SKA2: variants seen among roughly 807,000 people sequenced by gnomAD.
The protein encoded by SKA2 is spindle and kinetochore associated complex subunit 2.
In SKA2, 13 loss-of-function variants were observed where a neutral mutation model predicts 16.9. That is an observed-to-expected ratio of 0.77 (90% CI 0.50 to 1.22). SKA2 has a LOEUF of 1.22. Among genes scored for constraint, SKA2 ranks in the 50% most tolerant of loss-of-function variants. The pLI is 0.00. For missense variants in SKA2, 107 were observed against 139.7 expected, an observed-to-expected ratio of 0.77 and a Z score of 1.18; for synonymous variants, 47 against 48.5, an observed-to-expected ratio of 0.97 and a Z score of 0.13.
At position 59,123,906 on chromosome 17, in the gene SKA2, G is replaced by C. The variant is rs143678360; in HGVS notation, c.121-4411C>G. Among the ~76,000 whole-genome samples, 107 of 152,198 alleles carry C rather than the reference G, an allele frequency of 7.0e-4. 2 individuals are homozygous for C. In the East Asian group the frequency reaches 0.014, roughly 19 times the overall value. ...GGCTAAAATCACAGTGCTAATAAGA[G>C]GCAGAGCCAGGATGTGAAGTATAAC... On this transcript the variant is annotated intron_variant, in intron 2 of 3. Coordinates refer to ENST00000330137, the MANE Select transcript of SKA2 (RefSeq NM_182620.4).
intron 1 of SKA2, among the ~76,000 whole-genome samples, chr17:59,143,147 A>T (rs937440778): frequency 2.0e-5 from 3 of 152,096 alleles, no homozygotes; most frequent in African/African-American, 7.2e-5. Context: ...AGTATAGAAT[A>T]ATCAATATAT....
rs952029691 is a variant in SKA2 at position 59,110,466 on chromosome 17, C to A, written c.*1811G>T. On this transcript the variant is annotated 3_prime_UTR_variant, in exon 4 of 4. Coordinates refer to ENST00000330137, the MANE Select transcript of SKA2 (RefSeq NM_182620.4). Reference sequence around the variant, plus strand: ...CCTGAACACTGAAGAAAATTAATATCTGATACTAAGGTGTAACTTATTTCT... The same window carrying A: ...CCTGAACACTGAAGAAAATTAATATATGATACTAAGGTGTAACTTATTTCT... The A allele has an allele frequency of 6.6e-6, 1 of 151,912 alleles. No homozygotes were observed. Among genetic ancestry groups the A allele is most frequent in the Non-Finnish European group, 1.5e-5 (1 of 67,986 alleles). 9.4% of individuals were successfully genotyped at this position (151,912 alleles called of 1,614,324 possible). A position where few individuals can be genotyped will look rare whatever the true frequency, so the allele number is the denominator to read the frequency against.
At chr17:59,122,620 T>C (rs1261663320) in intron 2 of SKA2, among the ~76,000 whole-genome samples, 1 of 150,292 alleles carries the variant, frequency 6.7e-6, no homozygotes. Flanking sequence ...CAAAAAATAA[T>C]AACTATTATT....
intron 1 of SKA2, among the ~76,000 whole-genome samples, chr17:59,144,762 TG>T (rs1217433713): frequency 3.3e-5 from 5 of 152,078 alleles, no homozygotes; most frequent in African/African-American, 1.2e-4. Context: ...TGCTAGACGC[TG>T]GGGGGAGGGG....
intron 1 of SKA2, among the ~76,000 whole-genome samples, chr17:59,146,431 G>A (rs1194247726): frequency 6.6e-6 from 1 of 151,966 alleles, no homozygotes; most frequent in African/African-American, 2.4e-5. Context: ...CCCAGGAGGC[G>A]GAGGTTGCAG....
At chr17:59,152,743 G>T (rs930003494) in intron 1 of SKA2, among the ~76,000 whole-genome samples, 4 of 151,634 alleles carry the variant, frequency 2.6e-5, no homozygotes, top group African/African-American at 9.7e-5. Flanking sequence ...TAAATCTGAA[G>T]ATGAGATGCA....
intron 1 of SKA2, among the ~76,000 whole-genome samples, chr17:59,152,308 C>T (rs937338233): frequency 3.3e-5 from 5 of 152,098 alleles, no homozygotes; most frequent in African/African-American, 1.2e-4. Flanking sequence ...TCCCTTTAAA[C>T]GGTCCAATTC....
At chr17:59,126,259 A>G (rs1038636610) in intron 2 of SKA2, among the ~76,000 whole-genome samples, 1 of 152,222 alleles carries the variant, frequency 6.6e-6, no homozygotes, top group African/African-American at 2.4e-5. Flanking sequence ...TAGTAATAGA[A>G]ACTTATAGTT....
chr17:59,141,363 T>C (rs970625044), intron 1 of SKA2, among the ~76,000 whole-genome samples: 1 of 151,836 alleles, frequency 6.6e-6, no homozygotes, highest in African/African-American at 2.4e-5. Context: ...CACCACTGCA[T>C]TGCAGCCTGG....
At position 59,140,576 on chromosome 17, in the gene SKA2, C is replaced by T. The variant is rs73319265; in HGVS notation, c.34-9209G>A. On this transcript the variant is annotated intron_variant, in intron 1 of 3. Coordinates refer to ENST00000330137, the MANE Select transcript of SKA2 (RefSeq NM_182620.4). ...CAATTGCTAGGATATATACATAAGCCCCTGCCTCTAAAAGGCTAGTTTTAT... is the reference window on the plus strand; with the variant it reads ...CAATTGCTAGGATATATACATAAGCTCCTGCCTCTAAAAGGCTAGTTTTAT... Among the ~76,000 whole-genome samples, 304 of 151,126 alleles carry T rather than the reference C, an allele frequency of 2.0e-3. 1 individual carries two copies. Among genetic ancestry groups the T allele is most frequent in the African/African-American group, 7.0e-3 (287 of 41,198 alleles).
chr17:59,114,931 T>G (rs2046286415), intron 3 of SKA2, among the ~76,000 whole-genome samples: 1 of 152,196 alleles, frequency 6.6e-6, no homozygotes, highest in African/African-American at 2.4e-5. Context: ...AATAAAACTT[T>G]CCATGATGCT....
intron 3 of SKA2, among the ~76,000 whole-genome samples, chr17:59,117,591 T>C (rs965194144): frequency 6.6e-6 from 1 of 151,474 alleles, no homozygotes; most frequent in African/African-American, 2.4e-5. Context: ...TTTCTTTTTT[T>C]TCTTTTTTTT....
intron 1 of SKA2, among the ~76,000 whole-genome samples, chr17:59,154,125 G>C (rs536752091): frequency 1.3e-5 from 2 of 149,702 alleles, no homozygotes; most frequent in African/African-American, 2.5e-5. Context: ...TCAGTGGCAG[G>C]CGCTTCCTCC....
At chr17:59,149,501 G>A (rs1599680858) in intron 1 of SKA2, among the ~76,000 whole-genome samples, 1 of 150,362 alleles carries the variant, frequency 6.7e-6, no homozygotes, top group African/African-American at 2.5e-5. Flanking sequence ...ATGAGACCCT[G>A]TCTCTAAAGA....
intron 1 of SKA2, among the ~76,000 whole-genome samples, chr17:59,144,309 G>T (rs1195318222): frequency 1.3e-5 from 2 of 151,756 alleles, no homozygotes; most frequent in East Asian, 3.9e-4. Context: ...TCCACTGTTG[G>T]TGGAAATGTA....
intron 1 of SKA2, among the ~76,000 whole-genome samples, chr17:59,142,060 C>A (rs1410691295): frequency 2.0e-5 from 3 of 152,114 alleles, no homozygotes; most frequent in African/African-American, 7.2e-5. Flanking sequence ...TACCCACATG[C>A]CATTGACCAA....
At chr17:59,145,173 T>C (rs2046522657) in intron 1 of SKA2, among the ~76,000 whole-genome samples, 1 of 152,218 alleles carries the variant, frequency 6.6e-6, no homozygotes, top group African/African-American at 2.4e-5. Context: ...TATGAATGTA[T>C]TTAATACCAC....
At chr17:59,138,229 A>C (rs1276339312) in intron 1 of SKA2, among the ~76,000 whole-genome samples, 1 of 152,036 alleles carries the variant, frequency 6.6e-6, no homozygotes, top group Non-Finnish European at 1.5e-5. Context: ...AATCATCATG[A>C]AAGCACCCCA....
At chr17:59,151,090 A>T (rs1298458403) in intron 1 of SKA2, 1 of 475,100 alleles carries the variant, frequency 2.1e-6, no homozygotes, top group East Asian at 6.7e-5. Context: ...TTATTTACTG[A>T]TACCGAAGAA....
Sources: allele counts gnomAD v4.1 joint callset (sites outside exome capture counted in the v4.1 genomes callset), GRCh38; gene constraint gnomAD v4.1.1; transcripts MANE v1.5; gene names NCBI Gene and HGNC (gene_info 2026-07-23, HGNC 2026-07-21).